SNX18: variants seen among roughly 807,000 people sequenced by gnomAD.
SNX18 encodes the protein sorting nexin 18, also known as sorting nexin-18.
A neutral mutation model predicts 48.7 loss-of-function variants in SNX18; 35 were observed. The observed-to-expected ratio is 0.72, with a 90% CI of 0.55 to 0.95. The LOEUF is 0.95. Among genes scored for constraint, SNX18 ranks in the 40% least tolerant of loss-of-function variants. SNX18 has a pLI of 0.00. For missense variants in SNX18, 824 were observed against 871.0 expected (o/e 0.95, Z 0.68); for synonymous variants, 492 against 384.7 (o/e 1.28, Z -3.26).
rs766104081 is a variant in SNX18, at chr5:54,518,316, C to T, written c.364C>T (p.Pro122Ser). The change falls in exon 1 of 2, where the codon CCC becomes TCC. Residue 122 changes from proline (P) to serine (S), a missense_variant. This residue lies in a region of SNX18 where 377 missense variants were observed against 350.6 expected (regional missense o/e 1.08). Transcript: ENST00000381410. Reference protein sequence around the residue: ...QAPPPSTFQPPGAGFPYGGGA... With the variant: ...QAPPPSTFQPSGAGFPYGGGA... ...GCCGCCTCCGAGCACCTTCCAGCCGCCCGGCGCGGGCTTCCCGTACGGCGG... is the reference window on the plus strand; with the variant it reads ...GCCGCCTCCGAGCACCTTCCAGCCGTCCGGCGCGGGCTTCCCGTACGGCGG... 1.0e-5 allele frequency: 16 copies of T among 1,537,016 alleles called. No individual in the cohort carries two copies. The highest frequency in any genetic ancestry group is 4.3e-5 in the African/African-American group (3 of 70,298).
the SNX18 span, among the ~76,000 whole-genome samples, chr5:54,625,174 A>G: frequency 9.1e-4 from 138 of 152,254 alleles, 2 homozygotes; most frequent in Middle Eastern, 0.031. Context: ...GGGGAAAGAG[A>G]CAGTAGTATT....
At chr5:54,583,484 T>G in the SNX18 span, among the ~76,000 whole-genome samples, 1 of 152,208 alleles carries the variant, frequency 6.6e-6, no homozygotes, top group Non-Finnish European at 1.5e-5. Context: ...AGTCAGTCAC[T>G]TGTTATTGAC....
chr5:54,612,697 C>T, the SNX18 span, among the ~76,000 whole-genome samples: 1 of 152,284 alleles, frequency 6.6e-6, no homozygotes, highest in African/African-American at 2.4e-5. Flanking sequence ...ATCTGTTTTC[C>T]AAAGCTGCAG....
At chr5:54,530,522 C>T (rs1485677478) in intron 1 of SNX18, among the ~76,000 whole-genome samples, 2 of 152,242 alleles carry the variant, frequency 1.3e-5, no homozygotes, top group East Asian at 3.9e-4. Flanking sequence ...TACAGGCAGT[C>T]AGCAGCCACT....
the SNX18 span, among the ~76,000 whole-genome samples, chr5:54,613,184 G>C: frequency 1.3e-5 from 2 of 152,198 alleles, no homozygotes; most frequent in African/African-American, 4.8e-5. Context: ...AACTTGGGTA[G>C]CAGCAAAAAC....
At chr5:54,525,042 G>A (rs116193805) in intron 1 of SNX18, among the ~76,000 whole-genome samples, 4,673 of 152,354 alleles carry the variant, frequency 0.031, 99 homozygotes, top group Non-Finnish European at 0.045. Flanking sequence ...GTGGGAGCTG[G>A]CCTGTCGGGA....
At chr5:54,643,103 T>A in the SNX18 span, among the ~76,000 whole-genome samples, 2 of 152,110 alleles carry the variant, frequency 1.3e-5, no homozygotes, top group Admixed American at 1.3e-4. Context: ...GGAGGGGGGA[T>A]AACAAGGCAT....
At chr5:54,559,793 A>T in the SNX18 span, among the ~76,000 whole-genome samples, 5 of 152,198 alleles carry the variant, frequency 3.3e-5, no homozygotes, top group Non-Finnish European at 7.3e-5. Flanking sequence ...AAGGGAGAAA[A>T]TATTTGCAAA....
the SNX18 span, among the ~76,000 whole-genome samples, chr5:54,603,725 T>C: frequency 6.6e-6 from 1 of 152,212 alleles, no homozygotes. Context: ...ACTCCATTCT[T>C]ACTGAAAAAC....
At chr5:54,542,427 T>C (rs184087092) in intron 1 of SNX18, among the ~76,000 whole-genome samples, 1 of 152,312 alleles carries the variant, frequency 6.6e-6, no homozygotes, top group East Asian at 1.9e-4. Context: ...GGCAAATTCT[T>C]ATTAAAGCCC....
the SNX18 span, among the ~76,000 whole-genome samples, chr5:54,553,053 G>A: frequency 6.6e-6 from 1 of 152,058 alleles, no homozygotes; most frequent in African/African-American, 2.4e-5. Context: ...TGGCTGGAGT[G>A]GGAGAAGGGT....
the SNX18 span, among the ~76,000 whole-genome samples, chr5:54,552,598 G>T: frequency 1.3e-5 from 2 of 152,188 alleles, no homozygotes; most frequent in Admixed American, 1.3e-4. Flanking sequence ...GAGTCATTTT[G>T]CTTGAAAAGC....
chr5:54,624,134 A>C, the SNX18 span, among the ~76,000 whole-genome samples: 1 of 152,248 alleles, frequency 6.6e-6, no homozygotes, highest in Non-Finnish European at 1.5e-5. Flanking sequence ...ATCTTAAGAG[A>C]TCAAACTGCC....
the SNX18 span, among the ~76,000 whole-genome samples, chr5:54,577,308 T>C: frequency 6.6e-6 from 1 of 151,796 alleles, no homozygotes; most frequent in East Asian, 1.9e-4. Context: ...GGAACATAGA[T>C]GTTTCATAAA....
the SNX18 span, among the ~76,000 whole-genome samples, chr5:54,577,792 A>G: frequency 7.1e-4 from 108 of 152,318 alleles, no homozygotes; most frequent in African/African-American, 2.5e-3. Context: ...AGTTCCTCAC[A>G]GTTGTTTCCT....
intron 1 of SNX18, among the ~76,000 whole-genome samples, chr5:54,522,452 C>T (rs956833615): frequency 3.9e-5 from 6 of 152,262 alleles, no homozygotes; most frequent in African/African-American, 1.2e-4. Context: ...ACTATCAACC[C>T]CATCGTAAGT....
At chr5:54,526,572 G>A (rs1449471568) in intron 1 of SNX18, among the ~76,000 whole-genome samples, 1 of 152,112 alleles carries the variant, frequency 6.6e-6, no homozygotes, top group Non-Finnish European at 1.5e-5. Flanking sequence ...GAAGGAAGGG[G>A]AGATAAAATC....
the SNX18 span, among the ~76,000 whole-genome samples, chr5:54,640,253 A>G: frequency 6.7e-6 from 1 of 150,194 alleles, no homozygotes; most frequent in African/African-American, 2.5e-5. Flanking sequence ...CACTCTCATC[A>G]CCCAGACTGG....
chr5:54,572,400 C>T, the SNX18 span, among the ~76,000 whole-genome samples: 1 of 152,150 alleles, frequency 6.6e-6, no homozygotes, highest in South Asian at 2.1e-4. Context: ...TCATGGGGCA[C>T]CCGAATCAAT....
Sources: allele counts gnomAD v4.1 joint callset (sites outside exome capture counted in the v4.1 genomes callset), GRCh38; gene constraint gnomAD v4.1.1; regional missense constraint gnomAD v4.1.1; transcripts MANE v1.5; gene names NCBI Gene and HGNC (gene_info 2026-07-23, HGNC 2026-07-21).